The following TRPM8 variants were observed in gnomAD, a reference collection of about 807,000 sequenced individuals.
The protein encoded by TRPM8 is TRPM8 cationic channel.
In TRPM8, 110 loss-of-function variants were observed where a neutral mutation model predicts 133.7. The observed-to-expected ratio is 0.82, with a 90% CI of 0.70 to 0.96. The LOEUF (loss-of-function observed/expected upper bound fraction) is 0.96. Among genes scored for constraint, TRPM8 ranks in the 40% least tolerant of loss-of-function variants. The pLI is 0.00. For synonymous variants in TRPM8, 535 were observed against 532.3 expected (o/e 1.01, Z -0.07); for missense variants, 1,291 against 1,379.5 (o/e 0.94, Z 1.02).
intron 20 of TRPM8, chr2:233,983,490 A>G (rs1325857764): frequency 2.2e-6 from 1 of 444,772 alleles, no homozygotes; most frequent in South Asian, 2.1e-5. Context: ...CAATGTGGCA[A>G]TTGAAGGCAA....
At chr2:233,949,494 C>G (rs1559525243) in intron 8 of TRPM8, among the ~76,000 whole-genome samples, 1 of 152,166 alleles carries the variant, frequency 6.6e-6, no homozygotes, top group Non-Finnish European at 1.5e-5. Context: ...GTAAACATCA[C>G]ATAAAACATG....
At chr2:233,947,654 C>T (rs1473727039) in intron 8 of TRPM8, 2 of 1,244,130 alleles carry the variant, frequency 1.6e-6, no homozygotes, top group African/African-American at 1.5e-5. Flanking sequence ...TGGTTCTGCA[C>T]CTGCAACACT....
chr2:233,989,170 C>T lies in TRPM8; in HGVS notation c.2939+3305C>T, dbSNP rs1428007451. Among the ~76,000 whole-genome samples, 9 of 152,178 alleles carry T rather than the reference C, an allele frequency of 5.9e-5. No individual in the cohort carries two copies. Among genetic ancestry groups the T allele is most frequent in the East Asian group, 1.9e-4 (1 of 5,196 alleles). On this transcript the variant is annotated intron_variant, in intron 21 of 25. Coordinates refer to ENST00000324695, the MANE Select transcript of TRPM8 (RefSeq NM_024080.5). The surrounding 1 kb of genome is among the most constrained non-coding windows in gnomAD (Gnocchi z 4.2). ...GTCTGAAGGAGCCATTCATGAGAAC[C>T]GGGCACTTTTGTAATCCATTACCTG...
intron 17 of TRPM8, among the ~76,000 whole-genome samples, chr2:233,970,708 C>T (rs553478789): frequency 8.5e-5 from 13 of 152,162 alleles, no homozygotes; most frequent in African/African-American, 2.4e-4. Flanking sequence ...AGAAGAGAGA[C>T]CCTGGATGAT....
At position 233,945,872 on chromosome 2, in the gene TRPM8, A is replaced by T; in HGVS notation, c.716A>T (p.Gln239Leu). 3 of 1,613,892 alleles carry T rather than the reference A, an allele frequency of 1.9e-6. No individual in the cohort carries two copies. Among genetic ancestry groups the T allele is most frequent in the Non-Finnish European group, 2.5e-6 (3 of 1,179,786 alleles). Residue 239 changes from glutamine (Q) to leucine (L), a missense_variant, in exon 7 of 26, where the codon CAG becomes CTG. By Grantham distance (113) the Gln-to-Leu change is moderately radical (BLOSUM62 -2). Coordinates refer to ENST00000324695, the MANE Select transcript of TRPM8 (RefSeq NM_024080.5). ...NCDAEGYFLA[Q>L]YLMDDFTRDP... ...ACTTTTCAGGGCTATTTTTTAGCCC[A>T]GTACCTTATGGATGACTTCACAAGA...
At chr2:234,015,737 G>C (rs1229796705) in intron 25 of TRPM8, among the ~76,000 whole-genome samples, 1 of 152,194 alleles carries the variant, frequency 6.6e-6, no homozygotes, top group Non-Finnish European at 1.5e-5. Context: ...TGAAAGGGAG[G>C]TACAGCCTTC....
Position 233,927,845 on chromosome 2 carries a change from TTC to T in TRPM8, c.117+1192_117+1193del, listed in dbSNP as rs1491070124. Among the ~76,000 whole-genome samples the T allele has an allele frequency of 1.1e-3, 88 of 83,022 alleles. 10 individuals carry two copies. The highest frequency in any genetic ancestry group is 1.5e-3 in the Non-Finnish European group (63 of 43,384). The allele number at this position is 83,022 out of a possible 152,430, so 54.5% of individuals were successfully genotyped here. On this transcript the variant is annotated intron_variant, in intron 2 of 25. Transcript: ENST00000324695. ...CTTCCTTCCTTCCTTCCTTCCTTCCTTCCTTCCTTTCTTTCTCTTTCTTTCTT... is the reference window on the plus strand; with the variant it reads ...CTTCCTTCCTTCCTTCCTTCCTTCCTCTTCCTTTCTTTCTCTTTCTTTCTT...
At chr2:234,011,430 T>C (rs1412426749) in intron 24 of TRPM8, among the ~76,000 whole-genome samples, 2 of 152,210 alleles carry the variant, frequency 1.3e-5, no homozygotes, top group Non-Finnish European at 2.9e-5. Flanking sequence ...TCAAGATTGC[T>C]TTGGCTATTC....
In TRPM8 at chr2:233,942,618, A is replaced by G. The variant is rs202220989; in HGVS notation, c.569A>G (p.Lys190Arg). 1.3e-4 allele frequency: 203 copies of G among 1,614,084 alleles called. 1 individual carries two copies. The highest frequency in any genetic ancestry group is 1.6e-4 in the Non-Finnish European group (193 of 1,180,046). ...LTGGTHYGLM[K>R]YIGEVVRDNT... ...GGAGGCACCCATTATGGCCTGATGA[A>G]GTACATCGGGGAGGTGGTGAGAGAT... The change falls in exon 6 of 26, where the codon AAG becomes AGG. Residue 190 changes from lysine to arginine, a missense_variant. Lys to Arg is a conservative substitution (Grantham distance 26, BLOSUM62 2). Around this residue, in one of 2 missense-constraint regions of TRPM8, gnomAD observed 963 missense variants for 968.9 expected, o/e 0.99. Coordinates refer to ENST00000324695, the MANE Select transcript of TRPM8 (RefSeq NM_024080.5).
Position 233,954,301 on chromosome 2 carries a change from AT to A in TRPM8, c.1243+289del, listed in dbSNP as rs916242914. On this transcript the variant is annotated intron_variant, in intron 10 of 25. Transcript: ENST00000324695. The stretch of plus-strand genomic sequence containing the variant: ...CTATTTCTAACAGTGGTTGAAAATA[AT>A]TTTTTTATTGGGCCTCAGATTCCTT... Among the ~76,000 whole-genome samples the A allele has an allele frequency of 7.2e-5, 11 of 152,182 alleles. No homozygotes were observed. The East Asian group carries it at 1.9e-3, about 27-fold the overall frequency.
intron 13 of TRPM8, among the ~76,000 whole-genome samples, chr2:233,964,105 G>C (rs575634579): frequency 2.0e-5 from 3 of 152,244 alleles, no homozygotes; most frequent in Admixed American, 6.5e-5. Context: ...CCTAGGTTGA[G>C]CTTCGGGCTC....
At chr2:233,945,173 C>T (rs1691011086) in intron 6 of TRPM8, among the ~76,000 whole-genome samples, 1 of 152,068 alleles carries the variant, frequency 6.6e-6, no homozygotes, top group Non-Finnish European at 1.5e-5. Flanking sequence ...ATTGAAACAC[C>T]TTTTAATGCA....
intron 2 of TRPM8, among the ~76,000 whole-genome samples, chr2:233,927,014 CG>C (rs1361414589): frequency 1.3e-5 from 2 of 152,088 alleles, no homozygotes; most frequent in East Asian, 1.9e-4. Flanking sequence ...TGGGTGCCAG[CG>C]GGAGGTGTGT....
At position 233,931,288 on chromosome 2, in the gene TRPM8, G is replaced by A. The variant is rs11563132; in HGVS notation, c.191+547G>A. 4.1e-3 allele frequency among the ~76,000 whole-genome samples: 628 copies of A among 152,270 alleles called. 11 individuals are homozygous for A. Among genetic ancestry groups the A allele is most frequent in the Admixed American group, 0.032 (491 of 15,300 alleles). The stretch of plus-strand genomic sequence containing the variant: ...GAGCAAGTGAGTGAGTGAATGGGTC[G>A]ACTAGTGCTCACCCTTTGTGTAGAA... On this transcript the variant is annotated intron_variant, in intron 3 of 25. Transcript: ENST00000324695.
chr2:233,948,990 C>T (rs560016012), intron 8 of TRPM8, among the ~76,000 whole-genome samples: 14 of 152,230 alleles, frequency 9.2e-5, no homozygotes, highest in South Asian at 2.1e-4. Flanking sequence ...GCCGAGATTG[C>T]GCCATTGCAC....
intron 15 of TRPM8, among the ~76,000 whole-genome samples, chr2:233,968,439 G>A (rs1167769937): frequency 4.6e-5 from 7 of 152,254 alleles, no homozygotes; most frequent in East Asian, 3.9e-4. Flanking sequence ...AGTGTTGCCC[G>A]GCCCAGTGCA....
chr2:233,952,928 G>A (rs1024194978), intron 9 of TRPM8, among the ~76,000 whole-genome samples: 1 of 151,872 alleles, frequency 6.6e-6, no homozygotes, highest in Non-Finnish European at 1.5e-5. Context: ...CCTCCTCCCC[G>A]CCTGTCAGTT....
At chr2:234,016,067 G>T (rs1203081402) in intron 25 of TRPM8, among the ~76,000 whole-genome samples, 1 of 152,166 alleles carries the variant, frequency 6.6e-6, no homozygotes, top group East Asian at 1.9e-4. Context: ...CTGACTGTGA[G>T]TAAAACGGGC....
At chr2:234,010,533 T>C (rs1321132170) in intron 24 of TRPM8, among the ~76,000 whole-genome samples, 1 of 152,202 alleles carries the variant, frequency 6.6e-6, no homozygotes, top group Admixed American at 6.5e-5. Context: ...ATAATTGTAT[T>C]TTTGTTTTTT....
Sources: gnomAD v4.1 joint callset for allele counts (sites outside exome capture counted in the v4.1 genomes callset) on GRCh38, gnomAD v4.1.1 for gene constraint, gnomAD v4.1.1 regional missense constraint, Gnocchi (gnomAD v3.1) non-coding constraint, MANE v1.5 for transcripts, NCBI Gene and HGNC (gene_info 2026-07-23, HGNC 2026-07-21) for gene names.